DENND1A: variants seen among roughly 807,000 people sequenced by gnomAD.
The protein encoded by DENND1A is DENN domain-containing protein 1A.
DENND1A carries 51 observed loss-of-function variants against 113.7 expected under a neutral mutation model. That is an observed-to-expected ratio of 0.45 (90% CI 0.36 to 0.57). The LOEUF (loss-of-function observed/expected upper bound fraction) is 0.57, where lower values mean the gene tolerates loss of function less well. Among genes scored for constraint, DENND1A ranks in the 20% least tolerant of loss-of-function variants. DENND1A has a pLI of 0.00. For missense variants in DENND1A, 1,258 were observed against 1,395.9 expected, an observed-to-expected ratio of 0.90 and a Z score of 1.57; for synonymous variants, 565 against 570.8, an observed-to-expected ratio of 0.99 and a Z score of 0.14.
intron 2 of DENND1A, among the ~76,000 whole-genome samples, chr9:123,824,289 A>T (rs1838967971): frequency 6.6e-6 from 1 of 152,168 alleles, no homozygotes; most frequent in East Asian, 1.9e-4. Flanking sequence ...AAACCCCAGT[A>T]CCACTCAAAT....
At chr9:123,420,073 T>C (rs570601016) in intron 19 of DENND1A, among the ~76,000 whole-genome samples, 6 of 152,308 alleles carry the variant, frequency 3.9e-5, no homozygotes, top group Non-Finnish European at 7.4e-5. Flanking sequence ...GGATATTCCT[T>C]GCAAGATGCT....
At chr9:123,765,070 T>C (rs1422851988) in intron 4 of DENND1A, among the ~76,000 whole-genome samples, 1 of 152,194 alleles carries the variant, frequency 6.6e-6, no homozygotes, top group African/African-American at 2.4e-5. Context: ...AATACACTGG[T>C]CCTATGTCTG....
At chr9:123,434,051 G>A (rs2046335633) in intron 19 of DENND1A, among the ~76,000 whole-genome samples, 1 of 151,994 alleles carries the variant, frequency 6.6e-6, no homozygotes, top group Non-Finnish European at 1.5e-5. Flanking sequence ...TTTTGAGATG[G>A]AGTCTCACTC....
chr9:123,627,892 G>A (rs774151304), intron 10 of DENND1A, among the ~76,000 whole-genome samples: 1 of 152,194 alleles, frequency 6.6e-6, no homozygotes, highest in African/African-American at 2.4e-5. Context: ...ACCCTGCTGG[G>A]TGGCTGATAG....
intron 20 of DENND1A, among the ~76,000 whole-genome samples, chr9:123,406,817 G>T (rs1353365308): frequency 6.6e-6 from 1 of 152,142 alleles, no homozygotes; most frequent in African/African-American, 2.4e-5. Flanking sequence ...GAGCAGTTCT[G>T]CCCCTGCCCC....
intron 11 of DENND1A, among the ~76,000 whole-genome samples, chr9:123,589,777 T>C (rs562765588): frequency 6.6e-6 from 1 of 152,298 alleles, no homozygotes; most frequent in South Asian, 2.1e-4. Context: ...TGTCTTCCTC[T>C]TTCTGCTTTG....
intron 18 of DENND1A, among the ~76,000 whole-genome samples, chr9:123,447,912 G>A (rs1041273617): frequency 9.9e-5 from 15 of 152,132 alleles, no homozygotes; most frequent in Non-Finnish European, 7.3e-5. Flanking sequence ...CCGTAGATGC[G>A]AACAATGCTA....
intron 10 of DENND1A, among the ~76,000 whole-genome samples, chr9:123,616,093 C>A (rs1202278110): frequency 6.6e-6 from 1 of 152,166 alleles, no homozygotes; most frequent in Admixed American, 6.5e-5. Context: ...CCACGCCTGG[C>A]TGGTTTTTGT....
chr9:123,555,083 C>T (rs2057344535), intron 13 of DENND1A, among the ~76,000 whole-genome samples: 2 of 152,204 alleles, frequency 1.3e-5, no homozygotes, highest in South Asian at 2.1e-4. Context: ...CTCTCCTAGG[C>T]TCCAAATCTT....
At chr9:123,641,689 C>T (rs572425591) in intron 9 of DENND1A, among the ~76,000 whole-genome samples, 3 of 152,256 alleles carry the variant, frequency 2.0e-5, no homozygotes, top group East Asian at 1.9e-4. Context: ...TCTATTATGT[C>T]GTCTCAACAT....
At chr9:123,842,264 C>G (rs1422745461) in intron 2 of DENND1A, among the ~76,000 whole-genome samples, 1 of 152,094 alleles carries the variant, frequency 6.6e-6, no homozygotes, top group Non-Finnish European at 1.5e-5. Flanking sequence ...GCCAATTCCT[C>G]CAATGAGGCA....
chr9:123,839,824 A>C (rs954827009), intron 2 of DENND1A, among the ~76,000 whole-genome samples: 1 of 152,140 alleles, frequency 6.6e-6, no homozygotes, highest in Non-Finnish European at 1.5e-5. Flanking sequence ...AGCTGTCTTC[A>C]TTTATTCCTA....
At chr9:123,821,360 T>C (rs896982646) in intron 2 of DENND1A, among the ~76,000 whole-genome samples, 2 of 152,206 alleles carry the variant, frequency 1.3e-5, no homozygotes, top group African/African-American at 2.4e-5. Flanking sequence ...ATAAATGTCA[T>C]TTTCAAAATG....
chr9:123,545,473 C>CTT (rs113208699), intron 13 of DENND1A, among the ~76,000 whole-genome samples: 10 of 146,978 alleles, frequency 6.8e-5, no homozygotes, highest in Admixed American at 2.0e-4. Context: ...GTCTCCTGTT[C>CTT]TTTTTTTTTT....
intron 20 of DENND1A, among the ~76,000 whole-genome samples, chr9:123,409,117 G>A (rs1340468824): frequency 1.3e-5 from 2 of 152,104 alleles, no homozygotes; most frequent in African/African-American, 4.8e-5. Context: ...CCTGCTCTGG[G>A]CTGGACAAAT....
At chr9:123,792,436 A>C (rs997186436) in intron 3 of DENND1A, 151 bp downstream of exon 3, 18 of 744,290 alleles carry the variant, frequency 2.4e-5, no homozygotes, top group Non-Finnish European at 3.4e-5. Flanking sequence ...CTACTTCAAT[A>C]CGTTTTACTT....
chr9:123,671,248 T>C (rs772552546), intron 7 of DENND1A, 43 bp downstream of exon 7: 2 of 1,608,854 alleles, frequency 1.2e-6, no homozygotes, highest in African/African-American at 1.3e-5. Context: ...CTGTCAATAA[T>C]GAAATGCGTT....
chr9:123,916,893 A>C (rs1027560522), intron 1 of DENND1A, among the ~76,000 whole-genome samples: 3 of 152,094 alleles, frequency 2.0e-5, no homozygotes, highest in African/African-American at 7.2e-5. Flanking sequence ...AAAAAATTAT[A>C]AAAACCTAAC....
chr9:123,878,876 C>A, intron 2 of DENND1A, 75 bp downstream of exon 2: 1 of 1,432,484 alleles, frequency 7.0e-7, no homozygotes, highest in Admixed American at 1.8e-5. Flanking sequence ...TACTCATATT[C>A]ACATATTATC....
Sources: allele counts gnomAD v4.1 joint callset (sites outside exome capture counted in the v4.1 genomes callset), GRCh38; gene constraint gnomAD v4.1.1; transcripts MANE v1.5; gene names NCBI Gene and HGNC (gene_info 2026-07-23, HGNC 2026-07-21).